XYLB: variants seen among roughly 807,000 people sequenced by gnomAD.
XYLB encodes the protein xylulokinase, also known as xylulose kinase.
XYLB carries 62 observed loss-of-function variants against 78.7 expected under a neutral mutation model. That is an observed-to-expected ratio of 0.79 (90% confidence interval 0.64 to 0.97). XYLB has a LOEUF of 0.97. Ranked by LOEUF, XYLB falls within the 50% of genes least tolerant of loss-of-function variation. The pLI is 0.00. For missense variants in XYLB, 687 were observed against 676.8 expected (o/e 1.02, Z -0.17); for synonymous variants, 245 against 247.4 (o/e 0.99, Z 0.09).
chr3:38,437,926 C>A, the XYLB span, among the ~76,000 whole-genome samples: 3 of 152,004 alleles, frequency 2.0e-5, no homozygotes, highest in Admixed American at 1.3e-4. Context: ...AAAAATTAGC[C>A]GGGTGTGGTG....
At chr3:38,372,554 C>A in intron 9 of XYLB, 101 bp from the exon 10 acceptor site, 1 of 1,591,080 alleles carries the variant, frequency 6.3e-7, no homozygotes, top group South Asian at 1.1e-5. Flanking sequence ...GTCTGGTGAC[C>A]TGGAGACTGT....
At chr3:38,433,689 A>T in the XYLB span, among the ~76,000 whole-genome samples, 1 of 152,186 alleles carries the variant, frequency 6.6e-6, no homozygotes, top group Admixed American at 6.5e-5. Context: ...CTCCATCTGA[A>T]ACAACCTCAG....
rs903075267 is a variant in XYLB, at chr3:38,365,756, G to C, written c.507+20G>C. 2.5e-6 allele frequency: 4 copies of C among 1,601,078 alleles called. No homozygotes were observed. The highest frequency in any genetic ancestry group is 1.3e-5 in the African/African-American group (1 of 74,718). On this transcript the variant is annotated intron_variant, in intron 6 of 18. Coordinates refer to ENST00000207870, the MANE Select transcript of XYLB (RefSeq NM_005108.4). The stretch of plus-strand genomic sequence containing the variant: ...TATGAGGTAGGCTGAGGATGCGGGG[G>C]GTGCAGGGGGTGGTCTGGTTGCAAG...
At chr3:38,354,677 G>A (rs1249698270) in intron 2 of XYLB, among the ~76,000 whole-genome samples, 1 of 151,506 alleles carries the variant, frequency 6.6e-6, no homozygotes, top group Non-Finnish European at 1.5e-5. Context: ...TAATTTTTGA[G>A]TTTTTAGTGG....
chr3:38,413,104 G>A lies in XYLB; in HGVS notation c.*91G>A. ...CAGGAGGGATCCACTTCTCTGTTCT[G>A]AACAGCTCTTCCTGCCCCTACTGAC... On this transcript the variant is annotated 3_prime_UTR_variant, in exon 19 of 19. Coordinates refer to ENST00000207870, the MANE Select transcript of XYLB (RefSeq NM_005108.4). The A allele has an allele frequency of 7.7e-7, 1 of 1,306,352 alleles. No homozygotes were observed. Among genetic ancestry groups the A allele is most frequent in the Non-Finnish European group, 1.0e-6 (1 of 960,904 alleles). The allele number at this position is 1,306,352 out of a possible 1,614,324, so 80.9% of individuals were successfully genotyped here.
chr3:38,431,761 A>G, the XYLB span, among the ~76,000 whole-genome samples: 6 of 152,184 alleles, frequency 3.9e-5, no homozygotes, highest in South Asian at 2.1e-4. Context: ...ACTTAGAATC[A>G]TGACAGAAGG....
downstream of XYLB, among the ~76,000 whole-genome samples, chr3:38,417,806 G>A (rs1708845704): frequency 6.6e-6 from 1 of 151,344 alleles, no homozygotes; most frequent in Non-Finnish European, 1.5e-5. Context: ...CTTGAACCCG[G>A]GAGGTTGAGG....
At chr3:38,430,997 C>T in the XYLB span, among the ~76,000 whole-genome samples, 59 of 152,318 alleles carry the variant, frequency 3.9e-4, no homozygotes, top group Non-Finnish European at 6.6e-4. Flanking sequence ...ATGATGCCTC[C>T]AGCTTTGTTC....
Position 38,413,334 on chromosome 3 carries a change from A to C in XYLB, c.*321A>C, listed in dbSNP as rs1708675437. 1 of 261,044 alleles carries C rather than the reference A, an allele frequency of 3.8e-6. No homozygotes were observed. Among genetic ancestry groups the C allele is most frequent in the Non-Finnish European group, 7.1e-6 (1 of 139,910 alleles). 16.2% of individuals were successfully genotyped at this position (261,044 alleles called of 1,614,324 possible). On this transcript the variant is annotated 3_prime_UTR_variant, in exon 19 of 19. Transcript: ENST00000207870. ...CTTTTCCCCTTGCAGAGGCAGAATT[A>C]AAGCTAATCTAGGGACTCAAATCAG...
chr3:38,381,195 T>A (rs1055273663), intron 15 of XYLB, among the ~76,000 whole-genome samples: 1 of 152,186 alleles, frequency 6.6e-6, no homozygotes. Context: ...TTCCCCAAAT[T>A]AATACTTTTA....
At chr3:38,347,002 ACGCGGGAAAACATGGGCCCGGC>A in intron 1 of XYLB, 77 bp downstream of exon 1, 1 of 1,301,312 alleles carries the variant, frequency 7.7e-7, no homozygotes, top group Non-Finnish European at 9.9e-7. Flanking sequence ...TGTCACCCGG[ACGCGGGAAAACATGGGCCCGGC>A]CGCGGGCGCG....
At chr3:38,433,699 G>T in the XYLB span, among the ~76,000 whole-genome samples, 4 of 152,114 alleles carry the variant, frequency 2.6e-5, no homozygotes, top group African/African-American at 9.7e-5. Flanking sequence ...AACAACCTCA[G>T]CCTGGACTCC....
the XYLB span, among the ~76,000 whole-genome samples, chr3:38,432,579 T>C: frequency 6.6e-6 from 1 of 151,928 alleles, no homozygotes; most frequent in Non-Finnish European, 1.5e-5. Flanking sequence ...AAAAATTTAC[T>C]TCCTAGATAC....
At chr3:38,381,404 ATG>A (rs1707138062) in intron 15 of XYLB, among the ~76,000 whole-genome samples, 1 of 152,184 alleles carries the variant, frequency 6.6e-6, no homozygotes, top group African/African-American at 2.4e-5. Context: ...ATTGTACAGC[ATG>A]TGTGTTTGAG....
chr3:38,412,898 T>TC, intron 18 of XYLB, 38 bp from the exon 19 acceptor site: 3 of 1,554,432 alleles, frequency 1.9e-6, no homozygotes, highest in South Asian at 1.2e-5. Flanking sequence ...AGAGGCATTT[T>TC]CCCCCTCTGT....
At position 38,348,556 on chromosome 3, in the gene XYLB, G is replaced by C; in HGVS notation, c.64G>C (p.Val22Leu). 1 of 1,614,176 alleles carries C rather than the reference G, an allele frequency of 6.2e-7. No individual in the cohort carries two copies. The highest frequency in any genetic ancestry group is 8.5e-7 in the Non-Finnish European group (1 of 1,180,030). ...GWDFSTQQVK[V>L]VAVDAELNVF... ...TTTTTAAAATGCCTTTCAGGTAAAG[G>C]TTGTTGCTGTTGATGCAGAGTTGAA... The change falls in exon 2 of 19, where the codon GTT (valine) becomes CTT (leucine). Residue 22 changes from valine (V) to leucine (L), a missense_variant. Coordinates refer to ENST00000207870, the MANE Select transcript of XYLB (RefSeq NM_005108.4).
chr3:38,358,210 A>G (rs1094003), intron 2 of XYLB, among the ~76,000 whole-genome samples: 14,414 of 26,718 alleles, frequency 0.54, 5,045 homozygotes, highest in East Asian at 0.81. Context: ...GCTATTTAAA[A>G]GTTTGGTATA....
intron 14 of XYLB, among the ~76,000 whole-genome samples, chr3:38,377,709 G>T (rs1485516382): frequency 6.6e-6 from 1 of 151,988 alleles, no homozygotes; most frequent in Non-Finnish European, 1.5e-5. Flanking sequence ...CAAAATGCTG[G>T]GATTACAGGT....
At chr3:38,417,610 A>G (rs1341863624), downstream of XYLB, among the ~76,000 whole-genome samples, 1 of 152,100 alleles carries the variant, frequency 6.6e-6, no homozygotes, top group Non-Finnish European at 1.5e-5. Context: ...GCCCAGGCAT[A>G]GTAGCTCATG....
Sources: allele counts gnomAD v4.1 joint callset (sites outside exome capture counted in the v4.1 genomes callset), GRCh38; gene constraint gnomAD v4.1.1; transcripts MANE v1.5; gene names NCBI Gene and HGNC (gene_info 2026-07-23, HGNC 2026-07-21).